LRRC8D: variants seen among roughly 807,000 people sequenced by gnomAD.
LRRC8D encodes volume-regulated anion channel subunit LRRC8D.
Under a neutral mutation model 55.8 loss-of-function variants are expected in LRRC8D, and 20 were observed. That is an observed-to-expected ratio of 0.36 (90% CI 0.25 to 0.52). The LOEUF (loss-of-function observed/expected upper bound fraction) is 0.52. Ranked by LOEUF, LRRC8D falls within the 20% of genes least tolerant of loss-of-function variation. The pLI, the probability that LRRC8D is intolerant of heterozygous loss-of-function variation, is 0.93. For synonymous variants in LRRC8D, 352 were observed against 377.0 expected, an observed-to-expected ratio of 0.93 and a Z score of 0.77; for missense variants, 651 against 1,030.8, an observed-to-expected ratio of 0.63 and a Z score of 5.05.
intron 1 of LRRC8D, chr1:89,821,892 C>G (rs1275396662): frequency 6.6e-6 from 1 of 152,032 alleles, no homozygotes; most frequent in Non-Finnish European, 1.5e-5. Flanking sequence ...CCCAGCCGTC[C>G]GCGGGCCGTC....
chr1:89,870,164 C>T (rs1661969393), intron 2 of LRRC8D, among the ~76,000 whole-genome samples: 1 of 151,366 alleles, frequency 6.6e-6, no homozygotes, highest in Admixed American at 6.6e-5. Flanking sequence ...AAGTAAGCTG[C>T]CTTTTAGTTT....
At position 89,934,484 on chromosome 1, in the gene LRRC8D, G is replaced by A. The variant is rs1663786406; in HGVS notation, c.1416G>A (p.Gln472=). Residue 472 remains glutamine (Q), a synonymous_variant, in exon 3 of 3, where the codon CAG becomes CAA. Transcript: ENST00000337338. The surrounding 1 kb of genome is among the most constrained non-coding windows in gnomAD (Gnocchi z 5.9). The part of the protein sequence containing the change: ...QHISRNAQDK[Q]ELHLFMLSGV... Reference sequence around the variant, plus strand: ...TTTCACGCAACGCCCAGGACAAGCAGGAGTTGCATCTGTTCATGCTGTCGG... The same window carrying A: ...TTTCACGCAACGCCCAGGACAAGCAAGAGTTGCATCTGTTCATGCTGTCGG... The A allele has an allele frequency of 6.2e-7, 1 of 1,614,052 alleles. No individual in the cohort carries two copies. Among genetic ancestry groups the A allele is most frequent in the Non-Finnish European group, 8.5e-7 (1 of 1,180,030 alleles).
At chr1:89,846,432 T>A (rs1661282828) in intron 2 of LRRC8D, 1 of 152,108 alleles carries the variant, frequency 6.6e-6, no homozygotes, top group African/African-American at 2.4e-5. Flanking sequence ...GCTGATGAGA[T>A]GTAACTTGTC....
intron 2 of LRRC8D, among the ~76,000 whole-genome samples, chr1:89,855,048 A>G (rs143703165): frequency 1.3e-5 from 2 of 152,142 alleles, no homozygotes; most frequent in East Asian, 1.9e-4. Context: ...ATTCATCTCT[A>G]TGTTGTTTCT....
intron 2 of LRRC8D, among the ~76,000 whole-genome samples, chr1:89,872,703 G>C (rs1030196773): frequency 2.0e-5 from 3 of 152,162 alleles, no homozygotes; most frequent in Non-Finnish European, 2.9e-5. Context: ...ATTTCCCTGA[G>C]ATGAATGCTG....
chr1:89,920,438 A>T (rs1316999396), intron 2 of LRRC8D, among the ~76,000 whole-genome samples: 1 of 152,122 alleles, frequency 6.6e-6, no homozygotes, highest in East Asian at 1.9e-4. Context: ...AGTTTTATAT[A>T]AGGAGTGTTT....
chr1:89,835,871 G>A (rs1938031), intron 1 of LRRC8D, among the ~76,000 whole-genome samples: 147,816 of 152,350 alleles, frequency 0.97, 71,847 homozygotes, highest in Middle Eastern at 1. Flanking sequence ...CATTGCTCGC[G>A]TATTGAGGGC....
At chr1:89,840,452 G>A (rs1661106792) in intron 1 of LRRC8D, among the ~76,000 whole-genome samples, 1 of 152,164 alleles carries the variant, frequency 6.6e-6, no homozygotes, top group Admixed American at 6.5e-5. Context: ...TGATAAGGAG[G>A]AGGGTTTGGG....
intron 2 of LRRC8D, among the ~76,000 whole-genome samples, chr1:89,894,400 A>G (rs896143914): frequency 6.6e-6 from 1 of 152,248 alleles, no homozygotes; most frequent in Non-Finnish European, 1.5e-5. Context: ...AAGGGTATGA[A>G]GGGAAATGCT....
At chr1:89,872,678 A>T (rs1456448529) in intron 2 of LRRC8D, among the ~76,000 whole-genome samples, 1 of 152,184 alleles carries the variant, frequency 6.6e-6, no homozygotes, top group Non-Finnish European at 1.5e-5. Context: ...CTCTCTGCTT[A>T]CTTAATGTGA....
chr1:89,888,866 T>C (rs945183879), intron 2 of LRRC8D, among the ~76,000 whole-genome samples: 3 of 152,192 alleles, frequency 2.0e-5, no homozygotes, highest in African/African-American at 7.2e-5. Context: ...CTATGAAATA[T>C]GTACCCATCC....
chr1:89,893,086 A>C (rs1662620894), intron 2 of LRRC8D, among the ~76,000 whole-genome samples: 1 of 152,226 alleles, frequency 6.6e-6, no homozygotes, highest in Admixed American at 6.5e-5. Flanking sequence ...GTGGATCCAT[A>C]AGCAACCAAA....
chr1:89,843,971 G>T (rs947794029), intron 2 of LRRC8D, among the ~76,000 whole-genome samples, 189 bp downstream of exon 2: 2 of 152,238 alleles, frequency 1.3e-5, no homozygotes, highest in African/African-American at 2.4e-5. Flanking sequence ...CCGGCGGAAG[G>T]CCCTGGGCGT....
chr1:89,907,057 A>C (rs987606932), intron 2 of LRRC8D, among the ~76,000 whole-genome samples: 17 of 151,944 alleles, frequency 1.1e-4, no homozygotes, highest in Admixed American at 1.0e-3. Flanking sequence ...CAACTCCTCC[A>C]AACAAATCTG....
intron 2 of LRRC8D, among the ~76,000 whole-genome samples, chr1:89,859,212 A>G (rs559069567): frequency 3.3e-5 from 5 of 152,080 alleles, no homozygotes; most frequent in Admixed American, 6.6e-5. Flanking sequence ...TATTCGGTAA[A>G]TGTAGGGAGT....
chr1:89,830,992 G>A (rs1389437314), intron 1 of LRRC8D, among the ~76,000 whole-genome samples: 6 of 145,614 alleles, frequency 4.1e-5, no homozygotes, highest in Admixed American at 2.9e-4. Flanking sequence ...TGCAACCTCC[G>A]CCTCCCGGGT....
intron 2 of LRRC8D, among the ~76,000 whole-genome samples, chr1:89,894,740 G>A (rs974104795): frequency 6.6e-6 from 1 of 152,324 alleles, no homozygotes; most frequent in East Asian, 1.9e-4. Flanking sequence ...ATTGGAATGT[G>A]AGTGACATAA....
At chr1:89,853,690 C>T (rs1053287288) in intron 2 of LRRC8D, among the ~76,000 whole-genome samples, 1 of 152,138 alleles carries the variant, frequency 6.6e-6, no homozygotes, top group African/African-American at 2.4e-5. Flanking sequence ...CAGGTCCTAT[C>T]AGGGCACAGA....
rs200321844 is a variant in LRRC8D at position 89,851,070 on chromosome 1, G to GTT, written c.-3+7298_-3+7299dup. ...GTTACATTTTCTTCTGTTTTTTTGT[G>GTT]TTTTTTTTTTTGTCTTTTCTTTTCT... is the stretch of plus-strand genomic sequence containing the variant. On this transcript the variant is annotated intron_variant, in intron 2 of 2. Coordinates refer to ENST00000337338, the MANE Select transcript of LRRC8D (RefSeq NM_001134479.2). Among the ~76,000 whole-genome samples the GTT allele has an allele frequency of 7.3e-4, 104 of 143,110 alleles. 2 individuals are homozygous for GTT. Among genetic ancestry groups the GTT allele is most frequent in the East Asian group, 1.6e-3 (8 of 4,964 alleles). 93.9% of individuals were successfully genotyped at this position (143,110 alleles called of 152,430 possible). A position where few individuals can be genotyped will look rare whatever the true frequency, so the allele number is the denominator to read the frequency against.
Sources: allele counts gnomAD v4.1 joint callset (sites outside exome capture counted in the v4.1 genomes callset), GRCh38; gene constraint gnomAD v4.1.1; non-coding constraint Gnocchi (gnomAD v3.1); transcripts MANE v1.5; gene names NCBI Gene and HGNC (gene_info 2026-07-23, HGNC 2026-07-21).